Variants in TRPM5 observed in about 807,000 individuals in gnomAD.
TRPM5 encodes MLSN1 and TRP-related.
TRPM5 carries 121 observed loss-of-function variants against 124.9 expected under a neutral mutation model. The ratio of observed to expected loss-of-function variants is 0.97; its 90% CI spans 0.84 to 1.13. The LOEUF is 1.13. Ranked by LOEUF, TRPM5 falls within the 50% of genes most tolerant of loss-of-function variation. The pLI, the probability that TRPM5 is intolerant of heterozygous loss-of-function variation, is 0.00. For missense variants in TRPM5, 1,643 were observed against 1,589.1 expected, an observed-to-expected ratio of 1.03 and a Z score of -0.58; for synonymous variants, 781 against 700.5, an observed-to-expected ratio of 1.11 and a Z score of -1.81.
chr11:2,413,684 G>A (rs72847611), intron 12 of TRPM5, 96 bp from the exon 18 acceptor site: 32,753 of 1,172,450 alleles, frequency 0.028, 572 homozygotes, highest in Non-Finnish European at 0.035. Flanking sequence ...CCTGGCCCAC[G>A]TGAGCTGAAG....
At chr11:2,422,064 G>A in intron 2 of TRPM5, 77 bp downstream of exon 7, 2 of 1,473,626 alleles carry the variant, frequency 1.4e-6, no homozygotes, top group Non-Finnish European at 1.8e-6. Flanking sequence ...CACTGCCTGT[G>A]CCGGGTTGCG....
chr11:2,426,261 C>T (rs1235097465), upstream of TRPM5, among the ~76,000 whole-genome samples: 1 of 152,150 alleles, frequency 6.6e-6, no homozygotes, highest in African/African-American at 2.4e-5. Context: ...TCCTGGTGGC[C>T]GCAACCACCC....
Position 2,411,342 on chromosome 11 carries a change from G to C in TRPM5, c.2782+10C>G. On this transcript the variant is annotated intron_variant, in intron 18 of 23. Coordinates refer to ENST00000155858, the Ensembl canonical transcript of TRPM5. ...CTCCCTGCCCCTGCCCCCGCTGGCT[G>C]TGTGCAAACCATCAATCTCGTCCAG... 6.3e-7 allele frequency: 1 copy of C among 1,577,148 alleles called. No individual in the cohort carries two copies. The highest frequency in any genetic ancestry group is 1.3e-5 in the African/African-American group (1 of 74,220).
At chr11:2,443,869 C>T in the TRPM5 span, among the ~76,000 whole-genome samples, 1 of 145,718 alleles carries the variant, frequency 6.9e-6, no homozygotes, top group Admixed American at 7.0e-5. The surrounding 1 kb of genome is among the most constrained non-coding windows in gnomAD (Gnocchi z 5.0). Flanking sequence ...ATGCCAGTAG[C>T]GGGCGGGAGG....
At chr11:2,415,982 T>C (rs1383741262) in exon 8 of TRPM5, 1 of 1,587,052 alleles carries the variant, frequency 6.3e-7, no homozygotes, top group East Asian at 2.3e-5. Context: ...CAGCTTGAGC[T>C]CATCCAGATA....
chr11:2,423,466 A>G (rs773217080), upstream of TRPM5, among the ~76,000 whole-genome samples: 3 of 152,086 alleles, frequency 2.0e-5, no homozygotes, highest in Non-Finnish European at 4.4e-5. Flanking sequence ...CACACAGCCC[A>G]CCCGCTCCCA....
chr11:2,409,595 C>T (rs1028914181), intron 18 of TRPM5, among the ~76,000 whole-genome samples: 1 of 152,232 alleles, frequency 6.6e-6, no homozygotes, highest in African/African-American at 2.4e-5. Flanking sequence ...GTCTGAGCCT[C>T]AGTCTCCCTC....
chr11:2,412,068 A>T, intron 16 of TRPM5, 67 bp downstream of exon 21: 1 of 1,358,584 alleles, frequency 7.4e-7, no homozygotes, highest in Non-Finnish European at 1.1e-6. Context: ...ACCCAACCTG[A>T]GTGGCTTCAT....
chr11:2,406,761 C>A, exon 21 of TRPM5: 1 of 1,613,472 alleles, frequency 6.2e-7, no homozygotes, highest in Non-Finnish European at 8.5e-7. Context: ...CAGGTGACGA[C>A]CTTCTGGTCC....
Position 2,411,739 on chromosome 11 carries a change from G to T in TRPM5, c.2503C>A (p.Arg835Ser). Residue 835 changes from arginine (R) to serine (S), a missense_variant, in exon 17 of 24, where the codon CGC becomes AGC. By Grantham distance (110) the Arg-to-Ser change is moderately radical (BLOSUM62 -1). Transcript: ENST00000155858. ...ATGAAGTCCATGGCGAGGACTGTGC[G>T]GCCAGCCTCAAACGCCGACGGCAGC... 3 of 1,612,678 alleles carry T rather than the reference G, an allele frequency of 1.9e-6. No individual in the cohort carries two copies. The South Asian group carries it at 3.3e-5, about 18-fold the overall frequency.
chr11:2,404,794 T>C (rs1330864145), exon 24 of TRPM5: 2 of 637,970 alleles, frequency 3.1e-6, no homozygotes. Flanking sequence ...TGAGGGTCTG[T>C]GGTGAGGCAC....
At chr11:2,405,740 A>T in intron 22 of TRPM5, 147 bp from the exon 28 acceptor site, 1 of 909,666 alleles carries the variant, frequency 1.1e-6, no homozygotes, top group Non-Finnish European at 1.7e-6. Flanking sequence ...GGCAGGGGTG[A>T]GTGAGGCTCC....
At chr11:2,435,150 G>A in the TRPM5 span, among the ~76,000 whole-genome samples, 310 of 152,182 alleles carry the variant, frequency 2.0e-3, 2 homozygotes, top group African/African-American at 7.3e-3. The surrounding 1 kb of genome is among the most constrained non-coding windows in gnomAD (Gnocchi z 4.1). Context: ...TGTGTCAGGG[G>A]GAGACACAGA....
upstream of TRPM5, among the ~76,000 whole-genome samples, chr11:2,424,891 A>G (rs1347299017): frequency 6.6e-6 from 1 of 152,156 alleles, no homozygotes. Context: ...GGACCCACCC[A>G]CGGGCCTCAG....
the TRPM5 span, among the ~76,000 whole-genome samples, chr11:2,436,706 C>T: frequency 6.6e-6 from 1 of 152,234 alleles, no homozygotes; most frequent in East Asian, 1.9e-4. Flanking sequence ...CAACCTCCCA[C>T]ACAAGGTGAT....
chr11:2,437,464 G>A, the TRPM5 span, among the ~76,000 whole-genome samples: 2 of 152,214 alleles, frequency 1.3e-5, no homozygotes, highest in East Asian at 1.9e-4. The surrounding 1 kb of genome is among the most constrained non-coding windows in gnomAD (Gnocchi z 5.6). Flanking sequence ...GATTCAGGAA[G>A]GCAAGGCCTC....
Position 2,411,589 on chromosome 11 carries a change from G to C in TRPM5, c.2607+46C>G, listed in dbSNP as rs765613163. 4.8e-5 allele frequency: 77 copies of C among 1,610,390 alleles called. No individual in the cohort carries two copies. In the African/African-American group the frequency reaches 9.3e-4, roughly 20 times the overall value. On this transcript the variant is annotated intron_variant, in intron 17 of 23. Coordinates refer to ENST00000155858, the Ensembl canonical transcript of TRPM5. Reference sequence around the variant, plus strand: ...CCAGCCGGGTGGGGCCCAGGCAGGGGATTGCTGTCCCTCCAGGGCCAGGGC... The same window carrying C: ...CCAGCCGGGTGGGGCCCAGGCAGGGCATTGCTGTCCCTCCAGGGCCAGGGC...
intron 4 of TRPM5, 99 bp downstream of exon 9, chr11:2,420,123 C>A: frequency 7.2e-7 from 1 of 1,395,092 alleles, no homozygotes; most frequent in Non-Finnish European, 9.7e-7. Flanking sequence ...GGGAAGCCCT[C>A]CCCCTTCTCC....
At position 2,414,246 on chromosome 11, in the gene TRPM5, T is replaced by TGCCCG. The variant is rs1174721096; in HGVS notation, c.1745-45_1745-41dup. On this transcript the variant is annotated intron_variant, in intron 11 of 23. Transcript: ENST00000155858. ...CCTGGCCGCTAGGACGAGACGCCGATGCCCGGCCCGGCCCCCGACGCCCCT... is the reference window on the plus strand; with the variant it reads ...CCTGGCCGCTAGGACGAGACGCCGATGCCCGGCCCGGCCCGGCCCCCGACGCCCCT... 4.4e-6 allele frequency: 7 copies of TGCCCG among 1,584,580 alleles called. No individual in the cohort carries two copies. The East Asian group carries it at 1.1e-4, about 26-fold the overall frequency.
Sources: allele counts gnomAD v4.1 joint callset (sites outside exome capture counted in the v4.1 genomes callset), GRCh38; gene constraint gnomAD v4.1.1; non-coding constraint Gnocchi (gnomAD v3.1); transcripts MANE v1.5; gene names NCBI Gene and HGNC (gene_info 2026-07-23, HGNC 2026-07-21).